Variants in DPP6 observed in about 807,000 individuals in gnomAD.
DPP6 encodes A-type potassium channel modulatory protein DPP6.
In DPP6, 69 loss-of-function variants were observed where a neutral mutation model predicts 122.6. The ratio of observed to expected loss-of-function variants is 0.56; its 90% CI spans 0.46 to 0.69. The LOEUF (loss-of-function observed/expected upper bound fraction) is 0.69, where lower values mean the gene tolerates loss of function less well. Ranked by LOEUF, DPP6 falls within the 30% of genes least tolerant of loss-of-function variation. The pLI, the probability that DPP6 is intolerant of heterozygous loss-of-function variation, is 0.00. For synonymous variants in DPP6, 418 were observed against 433.1 expected (o/e 0.97, Z 0.43); for missense variants, 928 against 1,116.9 (o/e 0.83, Z 2.41).
In DPP6 at chr7:154,620,673, A is replaced by G. The variant is rs73165042; in HGVS notation, c.628-17148A>G. Among the ~76,000 whole-genome samples, 711 of 152,316 alleles carry G rather than the reference A, an allele frequency of 4.7e-3. 2 individuals are homozygous for G. The highest frequency in any genetic ancestry group is 7.0e-3 in the Non-Finnish European group (478 of 68,032). ...GCACTGCCTGTGGAGTCCTCTCTAT[A>G]GCAGAGGTGATGTTACGAGCTGTAA... On this transcript the variant is annotated intron_variant, in intron 5 of 25. Transcript: ENST00000377770.
At chr7:154,257,761 G>T (rs1802750017) in intron 1 of DPP6, among the ~76,000 whole-genome samples, 1 of 152,122 alleles carries the variant, frequency 6.6e-6, no homozygotes, top group African/African-American at 2.4e-5. Flanking sequence ...ACCCAAATGA[G>T]GAAGGCCATC....
At position 153,921,131 on chromosome 7, in the gene DPP6, G is replaced by C. The variant is rs565637018; in HGVS notation, c.51+33397G>C. ...AGTGTTAGGAGCCACTTGTGGCTGT[G>C]TCTCTCTTTTTCTGCTGTTAGATCA... On this transcript the variant is annotated intron_variant, in intron 1 of 25. Coordinates refer to the DPP6 transcript ENST00000404039. Among the ~76,000 whole-genome samples the C allele has an allele frequency of 3.3e-5, 5 of 152,360 alleles. No homozygotes were observed. The East Asian group carries it at 7.7e-4, about 24-fold the overall frequency.
At chr7:154,502,263 T>C (rs564209466) in intron 3 of DPP6, among the ~76,000 whole-genome samples, 10 of 152,264 alleles carry the variant, frequency 6.6e-5, no homozygotes, top group African/African-American at 2.4e-4. Context: ...AATGCTGAAA[T>C]GAGTTAAGAC....
the DPP6 span, among the ~76,000 whole-genome samples, chr7:153,806,142 T>C: frequency 6.6e-6 from 1 of 151,816 alleles, no homozygotes; most frequent in Non-Finnish European, 1.5e-5. Flanking sequence ...AAGGTGCCTT[T>C]GGGGACAGGG....
At chr7:154,847,456 T>C (rs1279275489) in intron 16 of DPP6, among the ~76,000 whole-genome samples, 1 of 152,190 alleles carries the variant, frequency 6.6e-6, no homozygotes, top group East Asian at 1.9e-4. Flanking sequence ...TGTCTTGTTT[T>C]TTTTTGTACT....
chr7:153,971,432 T>G (rs1030880710), intron 1 of DPP6, among the ~76,000 whole-genome samples: 2 of 149,252 alleles, frequency 1.3e-5, no homozygotes, highest in African/African-American at 4.9e-5. Context: ...TTTTCCTACC[T>G]TGTTACACTG....
intron 1 of DPP6, among the ~76,000 whole-genome samples, chr7:154,063,538 G>T (rs1177485124): frequency 5.3e-5 from 4 of 76,176 alleles, no homozygotes; most frequent in African/African-American, 1.3e-4. Flanking sequence ...GGCACCCCCC[G>T]CGAGGGTGGG....
the DPP6 span, among the ~76,000 whole-genome samples, chr7:153,820,616 A>G: frequency 2.6e-5 from 4 of 152,276 alleles, no homozygotes; most frequent in African/African-American, 9.6e-5. Flanking sequence ...TACTTCTGCC[A>G]TATTCCAGTA....
intron 1 of DPP6, among the ~76,000 whole-genome samples, chr7:154,099,921 CT>C (rs1362084413): frequency 7.2e-6 from 1 of 138,734 alleles, no homozygotes; most frequent in Non-Finnish European, 1.6e-5. Context: ...AGAGTGTGTT[CT>C]GCGAGGAGAC....
chr7:154,781,902 G>A (rs149885403), intron 10 of DPP6, among the ~76,000 whole-genome samples: 102 of 152,262 alleles, frequency 6.7e-4, no homozygotes, highest in African/African-American at 2.3e-3. Context: ...TCCTTGTGAC[G>A]GAGACAATGC....
chr7:154,850,576 ATCAGGTCC>A (rs1802291774), intron 16 of DPP6, among the ~76,000 whole-genome samples: 1 of 152,220 alleles, frequency 6.6e-6, no homozygotes. Context: ...CAGTGAAGCC[ATCAGGTCC>A]TGGGCTTTTC....
chr7:154,836,943 G>T (rs1049145278), intron 16 of DPP6, among the ~76,000 whole-genome samples: 2 of 152,184 alleles, frequency 1.3e-5, no homozygotes, highest in African/African-American at 4.8e-5. Flanking sequence ...CTGACCTCAG[G>T]CGATCTGCCA....
chr7:153,903,907 G>A (rs1042555047), intron 1 of DPP6, among the ~76,000 whole-genome samples: 1 of 152,164 alleles, frequency 6.6e-6, no homozygotes, highest in South Asian at 2.1e-4. Context: ...GAGGACTGAG[G>A]GTTGAGGGAC....
chr7:153,877,897 A>G, the DPP6 span, among the ~76,000 whole-genome samples: 1 of 87,418 alleles, frequency 1.1e-5, no homozygotes, highest in Admixed American at 1.1e-4. Flanking sequence ...ATATATTAAA[A>G]GGTTTGACAA....
At chr7:154,814,637 T>C (rs953609914) in intron 16 of DPP6, among the ~76,000 whole-genome samples, 4 of 152,202 alleles carry the variant, frequency 2.6e-5, no homozygotes, top group African/African-American at 9.7e-5. Flanking sequence ...GCAATCTGGA[T>C]GGTTTAAACC....
intron 1 of DPP6, among the ~76,000 whole-genome samples, chr7:154,060,242 TC>T (rs1801524168): frequency 8.1e-6 from 1 of 123,230 alleles, no homozygotes; most frequent in Non-Finnish European, 1.7e-5. Context: ...AGGATCCCCA[TC>T]GCTGGGGGCG....
chr7:154,012,440 A>C (rs1798193802), intron 1 of DPP6, among the ~76,000 whole-genome samples: 1 of 152,234 alleles, frequency 6.6e-6, no homozygotes. Flanking sequence ...CCAAATGCAC[A>C]AAGAACAAAG....
intron 1 of DPP6, among the ~76,000 whole-genome samples, chr7:153,971,958 G>T (rs1467350142): frequency 2.0e-5 from 3 of 148,312 alleles, no homozygotes; most frequent in African/African-American, 7.5e-5. Flanking sequence ...GCCCTCGTAA[G>T]CTCAAATGTT....
At chr7:154,225,656 C>T (rs1800552197) in intron 1 of DPP6, among the ~76,000 whole-genome samples, 2 of 152,100 alleles carry the variant, frequency 1.3e-5, no homozygotes, top group African/African-American at 4.8e-5. Context: ...AATCTCAGCA[C>T]CTGTAACACT....
Sources: gnomAD v4.1 joint callset for allele counts (sites outside exome capture counted in the v4.1 genomes callset) on GRCh38, gnomAD v4.1.1 for gene constraint, MANE v1.5 for transcripts, NCBI Gene and HGNC (gene_info 2026-07-23, HGNC 2026-07-21) for gene names.